EXOC6B: variants seen among roughly 807,000 people sequenced by gnomAD.
EXOC6B encodes the protein SEC15 homolog B.
Under a neutral mutation model 113.5 loss-of-function variants are expected in EXOC6B, and 54 were observed. That is an observed-to-expected ratio of 0.48 (90% CI 0.38 to 0.60). The LOEUF (loss-of-function observed/expected upper bound fraction) is 0.60. Among genes scored for constraint, EXOC6B ranks in the 20% least tolerant of loss-of-function variants. The pLI, the probability that EXOC6B is intolerant of heterozygous loss-of-function variation, is 0.00. For missense variants in EXOC6B, 797 were observed against 977.5 expected (o/e 0.82, Z 2.46); for synonymous variants, 357 against 339.0 (o/e 1.05, Z -0.58).
chr2:72,632,762 G>A (rs1672558089), intron 6 of EXOC6B, among the ~76,000 whole-genome samples: 1 of 152,018 alleles, frequency 6.6e-6, no homozygotes, highest in African/African-American at 2.4e-5. Context: ...GCTCAGTGCA[G>A]TCTTGACCTC....
intron 6 of EXOC6B, among the ~76,000 whole-genome samples, chr2:72,666,474 A>G (rs1018717818): frequency 6.6e-6 from 1 of 152,176 alleles, no homozygotes; most frequent in Admixed American, 6.6e-5. Context: ...TAAGAAGACA[A>G]GAATGCCCAC....
intron 6 of EXOC6B, among the ~76,000 whole-genome samples, chr2:72,634,052 T>C (rs1672664857): frequency 6.6e-6 from 1 of 151,642 alleles, no homozygotes; most frequent in African/African-American, 2.4e-5. Flanking sequence ...AGAGCATGCG[T>C]GAAGGTCCAA....
intron 19 of EXOC6B, among the ~76,000 whole-genome samples, chr2:72,352,932 G>A (rs1057502168): frequency 6.6e-6 from 1 of 151,968 alleles, no homozygotes; most frequent in African/African-American, 2.4e-5. Flanking sequence ...GTTTACTGAC[G>A]TCCGCCCTAA....
intron 20 of EXOC6B, among the ~76,000 whole-genome samples, chr2:72,218,557 A>G (rs1198811468): frequency 6.6e-6 from 1 of 152,166 alleles, no homozygotes. Context: ...CCTTACATTG[A>G]TAAGTTTTCA....
chr2:72,788,455 A>G (rs1269898395), intron 1 of EXOC6B, among the ~76,000 whole-genome samples: 1 of 152,172 alleles, frequency 6.6e-6, no homozygotes, highest in African/African-American at 2.4e-5. Flanking sequence ...ACCATGAGGT[A>G]TCGAATCTGG....
intron 20 of EXOC6B, among the ~76,000 whole-genome samples, chr2:72,334,481 C>T (rs557777061): frequency 6.6e-6 from 1 of 152,174 alleles, no homozygotes; most frequent in Non-Finnish European, 1.5e-5. Context: ...CTTAAGGCAG[C>T]AGGAAAAAGT....
At chr2:72,421,779 G>T (rs1432306582) in intron 18 of EXOC6B, among the ~76,000 whole-genome samples, 1 of 152,208 alleles carries the variant, frequency 6.6e-6, no homozygotes, top group Non-Finnish European at 1.5e-5. Flanking sequence ...CCCTTTCTGG[G>T]CTGGCCAAGG....
At chr2:72,256,187 A>T (rs994793811) in intron 20 of EXOC6B, among the ~76,000 whole-genome samples, 1 of 152,200 alleles carries the variant, frequency 6.6e-6, no homozygotes, top group African/African-American at 2.4e-5. Context: ...CAGAAGCTGA[A>T]GGCAAGGAAG....
intron 20 of EXOC6B, among the ~76,000 whole-genome samples, chr2:72,312,626 G>A (rs1209363194): frequency 6.6e-6 from 1 of 151,616 alleles, no homozygotes; most frequent in African/African-American, 2.4e-5. Flanking sequence ...TGTGGTGGTG[G>A]GCGCCTATAA....
intron 18 of EXOC6B, among the ~76,000 whole-genome samples, chr2:72,445,396 A>T (rs901594016): frequency 5.9e-5 from 9 of 152,284 alleles, no homozygotes; most frequent in South Asian, 2.1e-4. Flanking sequence ...CCCATTAACC[A>T]GTTCCAAAGT....
intron 8 of EXOC6B, among the ~76,000 whole-genome samples, chr2:72,534,771 G>T (rs1306411691): frequency 6.6e-6 from 1 of 152,120 alleles, no homozygotes; most frequent in African/African-American, 2.4e-5. Context: ...AAGTTACAAA[G>T]ATCACTGAGA....
intron 1 of EXOC6B, among the ~76,000 whole-genome samples, chr2:72,817,609 G>A (rs1019963117): frequency 2.8e-5 from 2 of 71,634 alleles, no homozygotes; most frequent in Admixed American, 3.5e-4. Flanking sequence ...TTCCAACAGG[G>A]TAGACAATCA....
intron 20 of EXOC6B, among the ~76,000 whole-genome samples, chr2:72,204,286 A>C (rs1231353992): frequency 6.7e-6 from 1 of 149,292 alleles, no homozygotes; most frequent in Non-Finnish European, 1.5e-5. Context: ...CAGAGCAAAC[A>C]CCTCTCCCTG....
chr2:72,672,056 G>C (rs1675920682), intron 6 of EXOC6B, among the ~76,000 whole-genome samples: 1 of 152,076 alleles, frequency 6.6e-6, no homozygotes, highest in Non-Finnish European at 1.5e-5. Context: ...GTGCTGGCAA[G>C]GATATGGAGG....
chr2:72,264,179 T>C (rs17007994), intron 20 of EXOC6B, among the ~76,000 whole-genome samples: 14,280 of 152,190 alleles, frequency 0.094, 1,753 homozygotes, highest in African/African-American at 0.28. Flanking sequence ...TTCCATCCAC[T>C]GAATGAGAAC....
chr2:72,757,871 T>C (rs1039017278), intron 1 of EXOC6B, among the ~76,000 whole-genome samples: 3 of 152,028 alleles, frequency 2.0e-5, no homozygotes, highest in South Asian at 2.1e-4. Flanking sequence ...TTTTAAAACA[T>C]ACATATGGGC....
intron 20 of EXOC6B, among the ~76,000 whole-genome samples, chr2:72,310,850 A>AACAC (rs375159478): frequency 0.03 from 3,649 of 120,302 alleles, 61 homozygotes; most frequent in East Asian, 0.041. Context: ...TATTTCATTT[A>AACAC]ACACACACAC....
chr2:72,577,819 T>C (rs923272143), intron 6 of EXOC6B, among the ~76,000 whole-genome samples: 6 of 152,146 alleles, frequency 3.9e-5, no homozygotes, highest in Middle Eastern at 3.4e-3. Flanking sequence ...ATTATAATAA[T>C]GTGTCAAAGA....
In EXOC6B at chr2:72,628,858, ATGT is replaced by A. The variant is rs578047002; in HGVS notation, c.670-53193_670-53191del. Among the ~76,000 whole-genome samples the A allele has an allele frequency of 1.9e-3, 285 of 152,296 alleles. 2 individuals carry two copies. The highest frequency in any genetic ancestry group is 5.8e-3 in the African/African-American group (241 of 41,566). Reference sequence around the variant, plus strand: ...AGAGCCAGAAATGACTAAGGCAGAAATGTATATAAAGTACATATATATACTTAA... The same window carrying A: ...AGAGCCAGAAATGACTAAGGCAGAAAATATAAAGTACATATATATACTTAA... On this transcript the variant is annotated intron_variant, in intron 6 of 21. Transcript: ENST00000272427.
Sources: gnomAD v4.1 joint callset for allele counts (sites outside exome capture counted in the v4.1 genomes callset) on GRCh38, gnomAD v4.1.1 for gene constraint, MANE v1.5 for transcripts, NCBI Gene and HGNC (gene_info 2026-07-23, HGNC 2026-07-21) for gene names.